The following ST6GALNAC4 variants were observed in gnomAD, a reference collection of about 807,000 sequenced individuals.
The protein encoded by ST6GALNAC4 is alpha-N-acetyl-neuraminyl-2,3-beta-galactosyl-1,3-N-acetyl-galactosaminide alpha-2,6-sialyltransferase.
Under a neutral mutation model 30.4 loss-of-function variants are expected in ST6GALNAC4, and 24 were observed. That is an observed-to-expected ratio of 0.79 (90% CI 0.57 to 1.11). ST6GALNAC4 has a LOEUF of 1.11. Among genes scored for constraint, ST6GALNAC4 ranks in the 50% most tolerant of loss-of-function variants. The pLI is 0.00. For missense variants in ST6GALNAC4, 365 were observed against 430.1 expected, an observed-to-expected ratio of 0.85 and a Z score of 1.34; for synonymous variants, 156 against 179.7, an observed-to-expected ratio of 0.87 and a Z score of 1.05.
At chr9:127,909,806 AGCGCAAGGG>A (rs1242576316) in intron 5 of ST6GALNAC4, 136 bp downstream of exon 5, 3 of 754,218 alleles carry the variant, frequency 4.0e-6, no homozygotes, top group Admixed American at 5.8e-5. Context: ...CAAGGCCCAG[AGCGCAAGGG>A]GTATCTGTGC....
intron 5 of ST6GALNAC4, among the ~76,000 whole-genome samples, chr9:127,909,096 A>G (rs186796457): frequency 2.8e-4 from 43 of 151,936 alleles, no homozygotes; most frequent in African/African-American, 9.7e-4. Flanking sequence ...ATATTGAAAT[A>G]TAATAATATA....
At chr9:127,916,530 A>G in intron 1 of ST6GALNAC4, 36 bp from the exon 2 acceptor site, 1 of 1,356,670 alleles carries the variant, frequency 7.4e-7, no homozygotes, top group Non-Finnish European at 1.1e-6. Context: ...CGGGAGGGGT[A>G]AGGCAGGTGG....
At chr9:127,915,688 T>C (rs561939527) in intron 2 of ST6GALNAC4, among the ~76,000 whole-genome samples, 1 of 152,132 alleles carries the variant, frequency 6.6e-6, no homozygotes, top group South Asian at 2.1e-4. Flanking sequence ...AAGGGCTTGG[T>C]GGCAGCAGAA....
At chr9:127,915,298 A>G (rs1349868169) in intron 2 of ST6GALNAC4, among the ~76,000 whole-genome samples, 1 of 152,100 alleles carries the variant, frequency 6.6e-6, no homozygotes, top group Non-Finnish European at 1.5e-5. Flanking sequence ...AGCCTTCTGT[A>G]TACTGTAAAG....
At chr9:127,912,121 G>GC in intron 4 of ST6GALNAC4, 147 bp downstream of exon 4, 1 of 997,530 alleles carries the variant, frequency 1.0e-6, no homozygotes, top group Non-Finnish European at 1.4e-6. Flanking sequence ...TCTGCCTCCT[G>GC]CCCCCCATTA....
chr9:127,909,852 C>G, intron 5 of ST6GALNAC4, 99 bp downstream of exon 5: 1 of 1,192,354 alleles, frequency 8.4e-7, no homozygotes, highest in East Asian at 2.5e-5. Flanking sequence ...GAAGCCCACA[C>G]TCCCTCTGCC....
In ST6GALNAC4 at chr9:127,908,241, G is replaced by T. The variant is rs537311839; in HGVS notation, c.*151C>A. On this transcript the variant is annotated 3_prime_UTR_variant, in exon 6 of 6. Coordinates refer to ENST00000335791, the MANE Select transcript of ST6GALNAC4 (RefSeq NM_175039.4). ...GAGGCCTGAGATGGCTCCAAGTGTC[G>T]CCAGAATGGGGCGGGAAGGAACCTT... 4.8e-6 allele frequency: 3 copies of T among 625,858 alleles called. No homozygotes were observed. Among genetic ancestry groups the T allele is most frequent in the Non-Finnish European group, 7.1e-6 (3 of 424,892 alleles). 38.8% of individuals were successfully genotyped at this position (625,858 alleles called of 1,614,324 possible). A position where few individuals can be genotyped will look rare whatever the true frequency, so the allele number is the denominator to read the frequency against.
intron 3 of ST6GALNAC4, among the ~76,000 whole-genome samples, chr9:127,914,336 T>C (rs969439599): frequency 4.2e-5 from 6 of 144,522 alleles, no homozygotes; most frequent in African/African-American, 1.5e-4. Flanking sequence ...AGAGGTTGCG[T>C]GAGCTGAGAT....
intron 4 of ST6GALNAC4, among the ~76,000 whole-genome samples, chr9:127,911,354 T>C (rs567321988): frequency 6.6e-6 from 1 of 152,242 alleles, no homozygotes; most frequent in East Asian, 1.9e-4. Flanking sequence ...CAGAGGCCAG[T>C]GGAGAGCAGG....
At chr9:127,912,802 T>A (rs1033414068) in intron 3 of ST6GALNAC4, 122 bp from the exon 4 acceptor site, 2 of 1,222,064 alleles carry the variant, frequency 1.6e-6, no homozygotes, top group Non-Finnish European at 2.2e-6. Flanking sequence ...AGGACTGTTA[T>A]GAACCCATTT....
At chr9:127,912,721 C>G (rs1246280174) in intron 3 of ST6GALNAC4, 41 bp from the exon 4 acceptor site, 4 of 1,506,364 alleles carry the variant, frequency 2.7e-6, no homozygotes, top group Non-Finnish European at 3.5e-6. Context: ...GAGGCATGAA[C>G]ACGCAGCTTA....
chr9:127,914,098 A>ACAAC (rs1305699679), intron 3 of ST6GALNAC4, among the ~76,000 whole-genome samples: 2 of 151,516 alleles, frequency 1.3e-5, no homozygotes, highest in African/African-American at 4.9e-5. Flanking sequence ...AAACAAACAA[A>ACAAC]AAAAAACATT....
rs757298660 is a variant in ST6GALNAC4 at position 127,912,668 on chromosome 9, C to T, written c.211G>A (p.Glu71Lys). 5.1e-5 allele frequency: 81 copies of T among 1,573,644 alleles called. No individual in the cohort carries two copies. Among genetic ancestry groups the T allele is most frequent in the Non-Finnish European group, 6.5e-5 (76 of 1,161,412 alleles). Residue 71 changes from glutamate (E) to lysine (K), a missense_variant, in exon 4 of 6, where the codon GAG becomes AAG. Coordinates refer to ENST00000335791, the MANE Select transcript of ST6GALNAC4 (RefSeq NM_175039.4). ...ACCACGGCACAGCTGCGGCAGGGCT[C>T]GCGGACCAGCGGCTGCAGGGCAGGC... ...SVPDGKPLVR[E>K]PCRSCAVVSS...
In ST6GALNAC4 at chr9:127,908,420, A is replaced by G. The variant is rs1830984080; in HGVS notation, c.881T>C (p.Phe294Ser). Residue 294 changes from phenylalanine (F) to serine (S), a missense_variant, in exon 6 of 6, where the codon TTC (phenylalanine) becomes TCC (serine). Phe to Ser is a radical substitution (Grantham distance 155, BLOSUM62 -2). Coordinates refer to ENST00000335791, the MANE Select transcript of ST6GALNAC4 (RefSeq NM_175039.4). Reference protein sequence around the residue: ...SRWAKKRPIVFAHPSWRTE With the variant: ...SRWAKKRPIVSAHPSWRTE Reference sequence around the variant, plus strand: ...CTCAGTCCTCCAGGACGGATGGGCGAACACGATGGGCCTCTTCTTGGCCCA... The same window carrying G: ...CTCAGTCCTCCAGGACGGATGGGCGGACACGATGGGCCTCTTCTTGGCCCA... 6.3e-7 allele frequency: 1 copy of G among 1,583,706 alleles called. No homozygotes were observed. Among genetic ancestry groups the G allele is most frequent in the Non-Finnish European group, 8.6e-7 (1 of 1,157,654 alleles).
chr9:127,910,128 C>A, intron 4 of ST6GALNAC4, 70 bp from the exon 5 acceptor site: 2 of 1,572,794 alleles, frequency 1.3e-6, no homozygotes, highest in Non-Finnish European at 1.7e-6. Flanking sequence ...GCCCCAGCAG[C>A]ACTTGGTACT....
intron 4 of ST6GALNAC4, 87 bp downstream of exon 4, chr9:127,912,181 C>G: frequency 6.7e-7 from 1 of 1,502,134 alleles, no homozygotes; most frequent in Non-Finnish European, 8.9e-7. Flanking sequence ...CCGGGCCTGA[C>G]AGAGCAGCCC....
At chr9:127,909,224 C>T (rs892873214) in intron 5 of ST6GALNAC4, among the ~76,000 whole-genome samples, 2 of 151,982 alleles carry the variant, frequency 1.3e-5, no homozygotes, top group Admixed American at 1.3e-4. Context: ...CCCGTCTCTA[C>T]TAAAACTACA....
At chr9:127,916,237 G>T (rs1831191852) in intron 2 of ST6GALNAC4, 171 bp downstream of exon 2, 1 of 818,050 alleles carries the variant, frequency 1.2e-6, no homozygotes, top group Non-Finnish European at 2.0e-6. Flanking sequence ...CACCTGCCTG[G>T]GGCCACACGG....
chr9:127,912,798 G>C, intron 3 of ST6GALNAC4, 118 bp from the exon 4 acceptor site: 1 of 1,235,720 alleles, frequency 8.1e-7, no homozygotes, highest in Non-Finnish European at 1.1e-6. Flanking sequence ...TTGAAGGACT[G>C]TTATGAACCC....
Sources: gnomAD v4.1 joint callset for allele counts (sites outside exome capture counted in the v4.1 genomes callset) on GRCh38, gnomAD v4.1.1 for gene constraint, MANE v1.5 for transcripts, NCBI Gene and HGNC (gene_info 2026-07-23, HGNC 2026-07-21) for gene names.